Variants in GNPTAB observed in about 807,000 individuals in gnomAD.
The protein encoded by GNPTAB is N-acetylglucosamine-1-phosphotransferase subunits alpha/beta.
Under a neutral mutation model 136.6 loss-of-function variants are expected in GNPTAB, and 92 were observed. The observed-to-expected ratio is 0.67, with a 90% confidence interval of 0.57 to 0.80. GNPTAB has a LOEUF of 0.80. Among genes scored for constraint, GNPTAB ranks in the 30% least tolerant of loss-of-function variants. The pLI is 0.00. For synonymous variants in GNPTAB, 512 were observed against 535.1 expected (o/e 0.96, Z 0.60); for missense variants, 1,343 against 1,501.8 (o/e 0.89, Z 1.75).
At chr12:101,777,333 C>T (rs1277854879) in intron 7 of GNPTAB, among the ~76,000 whole-genome samples, 1 of 152,212 alleles carries the variant, frequency 6.6e-6, no homozygotes, top group African/African-American at 2.4e-5. Flanking sequence ...TGTCCTTCCA[C>T]GGCCTACAGG....
chr12:101,783,928 G>A (rs1050651302), intron 5 of GNPTAB, among the ~76,000 whole-genome samples: 8 of 151,536 alleles, frequency 5.3e-5, no homozygotes, highest in Admixed American at 1.3e-4. Flanking sequence ...ATGTTACCAA[G>A]TCTGGTTTTG....
intron 1 of GNPTAB, among the ~76,000 whole-genome samples, chr12:101,824,431 TATTTTC>T (rs1566103081): frequency 1.7e-4 from 17 of 99,284 alleles, no homozygotes; most frequent in South Asian, 7.4e-4. Context: ...TATATATATA[TATTTTC>T]TTTTTTTTTT....
At chr12:101,764,154 A>G in intron 13 of GNPTAB, 48 bp downstream of exon 13, 1 of 1,611,926 alleles carries the variant, frequency 6.2e-7, no homozygotes, top group Admixed American at 1.7e-5. Flanking sequence ...TCATGAGATT[A>G]TTTACTCTTC....
At position 101,789,939 on chromosome 12, in the gene GNPTAB, T is replaced by A. The variant is rs770176191; in HGVS notation, c.322A>T (p.Arg108Ter). Residue 108 changes from arginine (R) to a stop codon, truncating the protein, a stop_gained and splice_region_variant, in exon 3 of 21, where the codon AGA becomes TGA. Coordinates refer to ENST00000299314, the MANE Select transcript of GNPTAB (RefSeq NM_024312.5). LOFTEE classifies it high-confidence loss of function. ...TGTGAAAAAAAAAATCAGTTTTACC[T>A]CATTGCTTTCTGCTCCTCCTCCATC... The part of the protein sequence containing the change: ...EQMEEEQKAM[R>*]EILGKNTTEP... 5 of 1,613,984 alleles carry A rather than the reference T, an allele frequency of 3.1e-6. No homozygotes were observed. Among genetic ancestry groups the A allele is most frequent in the Non-Finnish European group, 4.2e-6 (5 of 1,179,950 alleles).
intron 18 of GNPTAB, among the ~76,000 whole-genome samples, chr12:101,755,464 C>T (rs1471481143): frequency 2.0e-5 from 3 of 152,130 alleles, no homozygotes; most frequent in African/African-American, 7.2e-5. Flanking sequence ...AGGCAGAGAA[C>T]AGCTATGAAG....
chr12:101,780,644 C>G (rs750632511), intron 5 of GNPTAB, 23 bp from the exon 6 acceptor site: 1 of 1,516,412 alleles, frequency 6.6e-7, no homozygotes, highest in East Asian at 2.3e-5. Context: ...ATACAATAAA[C>G]AAGCACATTT....
At chr12:101,802,627 G>C (rs1019616718) in intron 1 of GNPTAB, among the ~76,000 whole-genome samples, 1 of 152,112 alleles carries the variant, frequency 6.6e-6, no homozygotes, top group Admixed American at 6.5e-5. Context: ...GCCTTAGACT[G>C]GAAAAACCTC....
intron 1 of GNPTAB, among the ~76,000 whole-genome samples, chr12:101,828,892 C>T (rs981682146): frequency 6.6e-6 from 1 of 152,154 alleles, no homozygotes; most frequent in Non-Finnish European, 1.5e-5. Flanking sequence ...TAAGAGAGTG[C>T]CTGATACCTG....
At chr12:101,785,767 T>G in intron 5 of GNPTAB, 1 of 478,662 alleles carries the variant, frequency 2.1e-6, no homozygotes. Context: ...GTAATTGTGA[T>G]ATCAGATTGA....
intron 7 of GNPTAB, among the ~76,000 whole-genome samples, chr12:101,774,482 T>C (rs1279271301): frequency 6.6e-6 from 1 of 152,188 alleles, no homozygotes; most frequent in East Asian, 1.9e-4. Flanking sequence ...TAAGTATATA[T>C]TGGAAGCAAA....
chr12:101,789,828 T>A, intron 3 of GNPTAB, 110 bp downstream of exon 3: 3 of 1,095,674 alleles, frequency 2.7e-6, no homozygotes, highest in Non-Finnish European at 4.2e-6. Context: ...CTTTTGTAGT[T>A]CATTAGCATG....
rs12822705 is a variant in GNPTAB at position 101,767,720 on chromosome 12, T to G, written c.1408+317A>C. Among the ~76,000 whole-genome samples, 4,617 of 152,262 alleles carry G rather than the reference T, an allele frequency of 0.03. 97 individuals carry two copies. The highest frequency in any genetic ancestry group is 0.044 in the Middle Eastern group (13 of 294). Reference sequence around the variant, plus strand: ...TCACAGCAGCCTCTAACTCCTAGGCTCAAATGATCCTCTTGCCTTAGCCTC... The same window carrying G: ...TCACAGCAGCCTCTAACTCCTAGGCGCAAATGATCCTCTTGCCTTAGCCTC... On this transcript the variant is annotated intron_variant, in intron 11 of 20. Coordinates refer to ENST00000299314, the MANE Select transcript of GNPTAB (RefSeq NM_024312.5).
Position 101,814,799 on chromosome 12 carries a change from C to T in GNPTAB, c.117+15760G>A, listed in dbSNP as rs1042389059. On this transcript the variant is annotated intron_variant, in intron 1 of 20. Transcript: ENST00000299314. ...TTTCAAAAATAAAAAAAGTGAGAAA[C>T]GGTACTTTGTAATTTTTAAAAATCT... Among the ~76,000 whole-genome samples the T allele has an allele frequency of 4.6e-5, 7 of 152,016 alleles. No homozygotes were observed. In the East Asian group the frequency reaches 5.8e-4, roughly 13 times the overall value.
intron 11 of GNPTAB, among the ~76,000 whole-genome samples, chr12:101,766,760 GA>G (rs1953101554): frequency 6.6e-6 from 1 of 152,154 alleles, no homozygotes; most frequent in Non-Finnish European, 1.5e-5. Context: ...TATACCTTAA[GA>G]AGAAAATAAA....
intron 6 of GNPTAB, 91 bp from the exon 7 acceptor site, chr12:101,780,377 C>A: frequency 7.4e-7 from 1 of 1,351,688 alleles, no homozygotes; most frequent in South Asian, 1.2e-5. Flanking sequence ...TCTATTGCAT[C>A]ACAACACAAG....
chr12:101,764,656 A>T lies in GNPTAB; in HGVS notation c.2261T>A (p.Ile754Lys), dbSNP rs755261594. Residue 754 changes from isoleucine to lysine, a missense_variant, in exon 13 of 21, where the codon ATA becomes AAA. Transcript: ENST00000299314. ...QHAKIKNQAI[I>K]TDETNDSLVA... ...CAAACTGTCATTTGTTTCATCTGTT[A>T]TTATAGCTTGATTTTTTATTTTAGC... The T allele has an allele frequency of 6.2e-7, 1 of 1,613,018 alleles. No homozygotes were observed. Among genetic ancestry groups the T allele is most frequent in the East Asian group, 2.2e-5 (1 of 44,880 alleles).
intron 1 of GNPTAB, among the ~76,000 whole-genome samples, chr12:101,826,963 T>G (rs1410849952): frequency 3.6e-5 from 5 of 138,252 alleles, no homozygotes; most frequent in African/African-American, 8.3e-5. Flanking sequence ...TTTTTTTTTT[T>G]TTTTTTTTTT....
rs281865010 is a variant in GNPTAB at position 101,760,119 on chromosome 12, G to C, written c.3160C>G (p.Leu1054Val). The C allele has an allele frequency of 6.2e-7, 1 of 1,609,448 alleles. No individual in the cohort carries two copies. Among genetic ancestry groups the C allele is most frequent in the Non-Finnish European group, 8.5e-7 (1 of 1,175,860 alleles). ...LQDLTGLEHMLINCSKMLPAD... is the reference protein window; with the variant it reads ...LQDLTGLEHMVINCSKMLPAD... ...GGAAGCATTTTTGAGCAATTTATTA[G>C]CATGTGTTCCAGACCTGTCAAATCC... Residue 1054 changes from leucine (L) to valine (V), a missense_variant, in exon 16 of 21, where the codon CTA (leucine) becomes GTA (valine). Coordinates refer to ENST00000299314, the MANE Select transcript of GNPTAB (RefSeq NM_024312.5).
chr12:101,796,877 C>T (rs1869324009), intron 1 of GNPTAB, 115 bp from the exon 2 acceptor site: 3 of 725,240 alleles, frequency 4.1e-6, no homozygotes, highest in Non-Finnish European at 7.1e-6. Context: ...AATCAAAATT[C>T]ATGTATTCAC....
Sources: gnomAD v4.1 joint callset for allele counts (sites outside exome capture counted in the v4.1 genomes callset) on GRCh38, gnomAD v4.1.1 for gene constraint, MANE v1.5 for transcripts, NCBI Gene and HGNC (gene_info 2026-07-23, HGNC 2026-07-21) for gene names.